The following ITGAV variants were observed in gnomAD, a reference collection of about 807,000 sequenced individuals.
The protein encoded by ITGAV is integrin alpha-V.
ITGAV carries 76 observed loss-of-function variants against 143.8 expected under a neutral mutation model. The ratio of observed to expected loss-of-function variants is 0.53; its 90% CI spans 0.44 to 0.64. ITGAV has a LOEUF of 0.64. ITGAV is among the 30% of genes least tolerant of loss of function. The pLI, the probability that ITGAV is intolerant of heterozygous loss-of-function variation, is 0.00. For synonymous variants in ITGAV, 453 were observed against 446.7 expected, an observed-to-expected ratio of 1.01 and a Z score of -0.18; for missense variants, 1,193 against 1,274.7, an observed-to-expected ratio of 0.94 and a Z score of 0.98.
At chr2:186,590,621 C>A in intron 1 of ITGAV, 98 bp downstream of exon 1, 2 of 1,140,700 alleles carry the variant, frequency 1.8e-6, no homozygotes, top group Non-Finnish European at 2.5e-6. Context: ...GAGATCCCGG[C>A]GTCTGTCTGT....
chr2:186,622,342 A>G lies in ITGAV; in HGVS notation c.320A>G (p.Asn107Ser), dbSNP rs756061483. 9.3e-6 allele frequency: 15 copies of G among 1,607,018 alleles called. No individual in the cohort carries two copies. Among genetic ancestry groups the G allele is most frequent in the Non-Finnish European group, 1.3e-5 (15 of 1,173,804 alleles). ...CQPIEFDATG[N>S]RDYAKDDPLE... ...CACTCACAATATTCTTTTTTAGGCA[A>G]TAGAGATTATGCCAAGGATGATCCA... Residue 107 changes from asparagine to serine, a missense_variant, in exon 3 of 30, where the codon AAT becomes AGT. Transcript: ENST00000261023.
At chr2:186,674,468 A>G (rs1689151568) in intron 26 of ITGAV, among the ~76,000 whole-genome samples, 1 of 152,102 alleles carries the variant, frequency 6.6e-6, no homozygotes, top group Non-Finnish European at 1.5e-5. Context: ...GTCATCTACA[A>G]AGAGATAGCT....
chr2:186,674,095 T>C (rs1689141794), intron 26 of ITGAV, among the ~76,000 whole-genome samples: 1 of 152,196 alleles, frequency 6.6e-6, no homozygotes, highest in Non-Finnish European at 1.5e-5. Flanking sequence ...TGCCTCAGCC[T>C]CCTGAGTAGC....
Position 186,668,892 on chromosome 2 carries a change from A to T in ITGAV, c.2564A>T (p.Asp855Val), listed in dbSNP as rs372469580. 2.5e-6 allele frequency: 4 copies of T among 1,611,804 alleles called. No homozygotes were observed. Among genetic ancestry groups the T allele is most frequent in the Non-Finnish European group, 3.4e-6 (4 of 1,179,206 alleles). The change falls in exon 25 of 30, where the codon GAT becomes GTT. Residue 855 changes from aspartate to valine, a missense_variant. Transcript: ENST00000261023. The part of the protein sequence containing the change: ...DIDGPMNCTS[D>V]MEINPLRIKI... ...GATGGACCAATGAACTGCACTTCAG[A>T]TATGGAGATCAACCCTTTGAGAATT... is the stretch of plus-strand genomic sequence containing the variant.
intron 2 of ITGAV, among the ~76,000 whole-genome samples, chr2:186,620,349 G>C (rs982441286): frequency 1.3e-5 from 2 of 152,232 alleles, no homozygotes; most frequent in African/African-American, 4.8e-5. Flanking sequence ...TTTGAATCCA[G>C]AGTGGAGGGA....
intron 1 of ITGAV, chr2:186,600,273 C>T: frequency 6.8e-7 from 1 of 1,469,006 alleles, no homozygotes; most frequent in Admixed American, 2.0e-5. Flanking sequence ...CATATTCCCT[C>T]CATCTCTTCA....
Position 186,590,192 on chromosome 2 carries a change from C to A in ITGAV, c.-147C>A. On this transcript the variant is annotated 5_prime_UTR_variant, in exon 1 of 30. Coordinates refer to ENST00000261023, the MANE Select transcript of ITGAV (RefSeq NM_002210.5). ...CTCCGAAGCTCAGCCCTCTTGCCTG[C>A]CCCGGAGCTGTCCCGGGCTAGCCGA... 1.6e-6 allele frequency: 1 copy of A among 621,700 alleles called. No individual in the cohort carries two copies. The highest frequency in any genetic ancestry group is 2.4e-6 in the Non-Finnish European group (1 of 413,148). 38.5% of individuals were successfully genotyped at this position (621,700 alleles called of 1,614,324 possible). A position where few individuals can be genotyped will look rare whatever the true frequency, so the allele number is the denominator to read the frequency against.
At chr2:186,605,021 G>A (rs1341516091) in intron 2 of ITGAV, among the ~76,000 whole-genome samples, 1 of 152,218 alleles carries the variant, frequency 6.6e-6, no homozygotes, top group Non-Finnish European at 1.5e-5. Context: ...TGCCAGGAAC[G>A]AGATGGCACA....
intron 2 of ITGAV, among the ~76,000 whole-genome samples, chr2:186,621,365 A>T (rs529044088): frequency 1.6e-4 from 24 of 152,294 alleles, no homozygotes; most frequent in African/African-American, 5.5e-4. Flanking sequence ...ACATTTTCTT[A>T]TGTAAGTACA....
chr2:186,673,501 T>G (rs1689122539), intron 26 of ITGAV, among the ~76,000 whole-genome samples: 1 of 152,184 alleles, frequency 6.6e-6, no homozygotes, highest in African/African-American at 2.4e-5. Context: ...AGTATTGCTA[T>G]CTTAACATTA....
intron 10 of ITGAV, among the ~76,000 whole-genome samples, 157 bp from the exon 11 acceptor site, chr2:186,640,758 C>T (rs1453980643): frequency 6.6e-6 from 1 of 151,986 alleles, no homozygotes; most frequent in East Asian, 1.9e-4. Flanking sequence ...ACCTGATTGT[C>T]ATTGTGTTGG....
intron 1 of ITGAV, chr2:186,600,103 T>C (rs1686857300): frequency 2.1e-6 from 1 of 480,602 alleles, no homozygotes; most frequent in Non-Finnish European, 3.7e-6. Context: ...AAATACAAAG[T>C]TTAACCATGG....
chr2:186,664,685 C>A, intron 20 of ITGAV, 44 bp downstream of exon 20: 1 of 1,610,732 alleles, frequency 6.2e-7, no homozygotes. Flanking sequence ...ACTCACGGAT[C>A]TTATTAACAT....
chr2:186,596,524 G>C (rs1430989011), intron 1 of ITGAV, among the ~76,000 whole-genome samples: 1 of 147,370 alleles, frequency 6.8e-6, no homozygotes, highest in Non-Finnish European at 1.5e-5. Flanking sequence ...ATCTTGGCTT[G>C]CTGCAACCTT....
At chr2:186,638,364 C>T (rs1414736644) in intron 9 of ITGAV, 44 bp downstream of exon 9, 2 of 1,607,262 alleles carry the variant, frequency 1.2e-6, no homozygotes, top group Non-Finnish European at 1.7e-6. Flanking sequence ...TCTAAGTTAT[C>T]TTCTATTTTA....
intron 12 of ITGAV, among the ~76,000 whole-genome samples, chr2:186,642,969 T>G (rs1688150711): frequency 1.3e-5 from 2 of 152,138 alleles, no homozygotes; most frequent in Admixed American, 6.5e-5. Flanking sequence ...TAATAAAATG[T>G]GAAAAGAACA....
intron 2 of ITGAV, among the ~76,000 whole-genome samples, chr2:186,603,307 A>T (rs2105657244): frequency 6.6e-6 from 1 of 152,332 alleles, no homozygotes; most frequent in East Asian, 1.9e-4. Context: ...TCCTGCCAGT[A>T]CTAAAATATA....
At chr2:186,671,776 C>T (rs1036823188) in intron 26 of ITGAV, among the ~76,000 whole-genome samples, 2 of 151,992 alleles carry the variant, frequency 1.3e-5, no homozygotes, top group Admixed American at 6.6e-5. Context: ...GCAGTTTATC[C>T]ATTCTCCCCT....
chr2:186,667,847 T>TAA, intron 24 of ITGAV, 71 bp downstream of exon 24: 3 of 766,200 alleles, frequency 3.9e-6, no homozygotes, highest in Non-Finnish European at 6.0e-6. Context: ...TAAGCTACTT[T>TAA]AAAAAAAAAA....
Sources: gnomAD v4.1 joint callset for allele counts (sites outside exome capture counted in the v4.1 genomes callset) on GRCh38, gnomAD v4.1.1 for gene constraint, MANE v1.5 for transcripts, NCBI Gene and HGNC (gene_info 2026-07-23, HGNC 2026-07-21) for gene names.